VGLL3: variants seen among roughly 807,000 people sequenced by gnomAD.
The protein encoded by VGLL3 is transcription cofactor vestigial-like protein 3.
Under a neutral mutation model 29.2 loss-of-function variants are expected in VGLL3, and 18 were observed. That is an observed-to-expected ratio of 0.62 (90% CI 0.43 to 0.91). The LOEUF (loss-of-function observed/expected upper bound fraction) is 0.91. Among genes scored for constraint, VGLL3 ranks in the 40% least tolerant of loss-of-function variants. The pLI, the probability that VGLL3 is intolerant of heterozygous loss-of-function variation, is 0.00. For synonymous variants in VGLL3, 180 were observed against 151.8 expected (o/e 1.19, Z -1.36); for missense variants, 440 against 413.2 (o/e 1.06, Z -0.56).
At chr3:86,974,654 A>G (rs1439779748) in intron 2 of VGLL3, among the ~76,000 whole-genome samples, 1 of 152,222 alleles carries the variant, frequency 6.6e-6, no homozygotes, top group Non-Finnish European at 1.5e-5. Flanking sequence ...CTTTGTCTAA[A>G]GATTTACCGT....
intron 1 of VGLL3, among the ~76,000 whole-genome samples, chr3:86,985,375 G>A (rs989412736): frequency 6.6e-6 from 1 of 152,190 alleles, no homozygotes; most frequent in Non-Finnish European, 1.5e-5. Context: ...ATCCTCCAAT[G>A]ACAAGTGTTT....
chr3:86,944,429 T>C lies in VGLL3; in HGVS notation c.*2595A>G, dbSNP rs1282697881. ...CCCAGGTAATTTTTCAGAAATTTTT[T>C]GTAGGGATAGGGTCTCCCTATGTTG... On this transcript the variant is annotated 3_prime_UTR_variant, in exon 4 of 4. Transcript: ENST00000398399. The C allele has an allele frequency of 6.6e-6, 1 of 152,366 alleles. No homozygotes were observed. Among genetic ancestry groups the C allele is most frequent in the African/African-American group, 2.4e-5 (1 of 41,450 alleles). 9.4% of individuals were successfully genotyped at this position (152,366 alleles called of 1,614,324 possible).
intron 3 of VGLL3, among the ~76,000 whole-genome samples, chr3:86,949,362 T>C (rs1704567592): frequency 6.6e-6 from 1 of 152,172 alleles, no homozygotes; most frequent in Admixed American, 6.5e-5. Flanking sequence ...GCCTAAAATG[T>C]ATCAGATATC....
At chr3:86,980,243 C>G (rs929937440) in intron 1 of VGLL3, among the ~76,000 whole-genome samples, 1 of 151,832 alleles carries the variant, frequency 6.6e-6, no homozygotes, top group Non-Finnish European at 1.5e-5. Flanking sequence ...ATACATACCC[C>G]AGACTCTATA....
rs995472150 is a variant in VGLL3 at position 86,938,769 on chromosome 3, T to C, written c.*8255A>G. 6.6e-6 allele frequency: 1 copy of C among 152,544 alleles called. No homozygotes were observed. The highest frequency in any genetic ancestry group is 2.4e-5 in the African/African-American group (1 of 41,462). 9.4% of individuals were successfully genotyped at this position (152,544 alleles called of 1,614,324 possible). On this transcript the variant is annotated 3_prime_UTR_variant, in exon 4 of 4. Transcript: ENST00000398399. ...TTTCCACTGCTTAACTGATAGCAGA[T>C]GGAGTGATTCAATCTGGACAAAAGT...
intron 1 of VGLL3, among the ~76,000 whole-genome samples, chr3:86,981,953 C>T (rs1385256919): frequency 6.6e-6 from 1 of 152,070 alleles, no homozygotes; most frequent in Non-Finnish European, 1.5e-5. Flanking sequence ...ACTAATGTGC[C>T]AAGGTTGAAT....
chr3:86,960,932 G>GATATATAT (rs57744873), intron 3 of VGLL3, among the ~76,000 whole-genome samples: 181 of 137,908 alleles, frequency 1.3e-3, no homozygotes, highest in East Asian at 1.9e-3. Context: ...AAGTAATTGT[G>GATATATAT]ATATATATAT....
In VGLL3 at chr3:86,945,606, A is replaced by ATAAT. The variant is rs1396052006; in HGVS notation, c.*1414_*1417dup. 1 of 152,162 alleles carries ATAAT rather than the reference A, an allele frequency of 6.6e-6. No homozygotes were observed. 9.4% of individuals were successfully genotyped at this position (152,162 alleles called of 1,614,324 possible). ...ATCTTCTCCTAGCAGTGTCTTAATG[A>ATAAT]TAATTTAAACTTTATTTAGATCCTG... is the stretch of plus-strand genomic sequence containing the variant. On this transcript the variant is annotated 3_prime_UTR_variant, in exon 4 of 4. Transcript: ENST00000398399.
At chr3:86,967,829 A>T (rs1468094767) in intron 3 of VGLL3, among the ~76,000 whole-genome samples, 1 of 152,202 alleles carries the variant, frequency 6.6e-6, no homozygotes, top group Non-Finnish European at 1.5e-5. Flanking sequence ...TCAAGCTCAG[A>T]CATTTGACAC....
chr3:86,971,161 C>A (rs1298368945), intron 2 of VGLL3, among the ~76,000 whole-genome samples: 1 of 152,154 alleles, frequency 6.6e-6, no homozygotes, highest in Non-Finnish European at 1.5e-5. Flanking sequence ...CTGACATTAT[C>A]TATGTTCTCT....
At chr3:86,969,855 G>T (rs910230498) in intron 2 of VGLL3, among the ~76,000 whole-genome samples, 5 of 152,068 alleles carry the variant, frequency 3.3e-5, no homozygotes, top group African/African-American at 1.2e-4. Context: ...GGCCTATGGG[G>T]TAGTTATTGT....
At chr3:86,972,275 G>A (rs958152297) in intron 2 of VGLL3, among the ~76,000 whole-genome samples, 3 of 152,084 alleles carry the variant, frequency 2.0e-5, no homozygotes, top group African/African-American at 7.2e-5. Context: ...ATTGAACAAA[G>A]TTTTAAAATG....
chr3:86,990,888 C>G lies in VGLL3; in HGVS notation c.-145G>C. 2 of 1,132,600 alleles carry G rather than the reference C, an allele frequency of 1.8e-6. No homozygotes were observed. Among genetic ancestry groups the G allele is most frequent in the Non-Finnish European group, 2.2e-6 (2 of 918,080 alleles). 70.2% of individuals were successfully genotyped at this position (1,132,600 alleles called of 1,614,324 possible). ...GGCGAAGGCGGGTCCTCGGCGGCCT[C>G]GGGCTCCGCGCGGGGCGCGGGGTCG... On this transcript the variant is annotated 5_prime_UTR_variant, in exon 1 of 4. Coordinates refer to ENST00000398399, the MANE Select transcript of VGLL3 (RefSeq NM_016206.4).
intron 3 of VGLL3, among the ~76,000 whole-genome samples, chr3:86,948,528 G>A (rs896510110): frequency 2.0e-5 from 3 of 152,096 alleles, no homozygotes; most frequent in Non-Finnish European, 4.4e-5. Flanking sequence ...ATATACATAT[G>A]TAACTAACCT....
At position 86,941,121 on chromosome 3, in the gene VGLL3, A is replaced by T. The variant is rs1343253500; in HGVS notation, c.*5903T>A. 2 of 152,354 alleles carry T rather than the reference A, an allele frequency of 1.3e-5. No individual in the cohort carries two copies. The highest frequency in any genetic ancestry group is 4.8e-5 in the African/African-American group (2 of 41,430). The allele number at this position is 152,354 out of a possible 1,614,324, so 9.4% of individuals were successfully genotyped here. The stretch of plus-strand genomic sequence containing the variant: ...CAAATTGTATCCATCTTCCCTTTAA[A>T]TATATGTACTTCAAAGTGATACAAA... On this transcript the variant is annotated 3_prime_UTR_variant, in exon 4 of 4. Transcript: ENST00000398399.
intron 1 of VGLL3, among the ~76,000 whole-genome samples, chr3:86,980,689 T>C (rs1705308004): frequency 6.6e-6 from 1 of 152,076 alleles, no homozygotes; most frequent in Non-Finnish European, 1.5e-5. Context: ...TAAATTCCAT[T>C]AAAAAATTAA....
chr3:86,954,858 AT>A (rs137872034), intron 3 of VGLL3, among the ~76,000 whole-genome samples: 2,610 of 149,022 alleles, frequency 0.018, 81 homozygotes, highest in African/African-American at 0.062. Flanking sequence ...ACTCTTTGTA[AT>A]TTCTTCTACA....
rs1454129576 is a variant in VGLL3, at chr3:86,946,407, T to C, written c.*617A>G. ...TGGTTTGACTACGGTATAGCTACTT[T>C]TGTAAGAAGGAAAAAAACAAAACAT... On this transcript the variant is annotated 3_prime_UTR_variant, in exon 4 of 4. Transcript: ENST00000398399. 1 of 152,178 alleles carries C rather than the reference T, an allele frequency of 6.6e-6. No homozygotes were observed. Among genetic ancestry groups the C allele is most frequent in the Non-Finnish European group, 1.5e-5 (1 of 68,028 alleles). The allele number at this position is 152,178 out of a possible 1,614,324, so 9.4% of individuals were successfully genotyped here.
chr3:86,954,359 C>T (rs1256667877), intron 3 of VGLL3, among the ~76,000 whole-genome samples: 1 of 152,184 alleles, frequency 6.6e-6, no homozygotes, highest in African/African-American at 2.4e-5. Flanking sequence ...TTTCCCAGAC[C>T]CAGACAGCAA....
Sources: gnomAD v4.1 joint callset for allele counts (sites outside exome capture counted in the v4.1 genomes callset) on GRCh38, gnomAD v4.1.1 for gene constraint, MANE v1.5 for transcripts, NCBI Gene and HGNC (gene_info 2026-07-23, HGNC 2026-07-21) for gene names.